The following ITGB3 variants were observed in gnomAD, a reference collection of about 807,000 sequenced individuals.
ITGB3 encodes the protein integrin beta-3.
In ITGB3, 48 loss-of-function variants were observed where a neutral mutation model predicts 85.8. That is an observed-to-expected ratio of 0.56 (90% CI 0.44 to 0.71). The LOEUF is 0.71. Ranked by LOEUF, ITGB3 falls within the 30% of genes least tolerant of loss-of-function variation. The pLI, the probability that ITGB3 is intolerant of heterozygous loss-of-function variation, is 0.00. For synonymous variants in ITGB3, 363 were observed against 395.6 expected (o/e 0.92, Z 0.98); for missense variants, 861 against 1,019.1 (o/e 0.84, Z 2.11).
intron 1 of ITGB3, among the ~76,000 whole-genome samples, chr17:47,255,364 G>A (rs557877099): frequency 6.6e-6 from 1 of 152,248 alleles, no homozygotes; most frequent in African/African-American, 2.4e-5. Flanking sequence ...TTCCCGTCAA[G>A]ACTCTTCTGT....
chr17:47,258,940 G>A (rs569645550), intron 1 of ITGB3, among the ~76,000 whole-genome samples: 14 of 152,330 alleles, frequency 9.2e-5, no homozygotes, highest in Admixed American at 8.5e-4. Context: ...GCATCTATCA[G>A]TAACTCTAAG....
chr17:47,287,277 G>C, intron 6 of ITGB3, 46 bp downstream of exon 6: 2 of 1,606,978 alleles, frequency 1.2e-6, no homozygotes, highest in South Asian at 1.1e-5. Context: ...TGATTGTGAG[G>C]GTTGCCCTAA....
chr17:47,284,373 T>G, intron 3 of ITGB3, 70 bp from the exon 4 acceptor site: 1 of 1,597,046 alleles, frequency 6.3e-7, no homozygotes, highest in Non-Finnish European at 8.6e-7. Flanking sequence ...TAGTCCCAAC[T>G]GTATCCAAAT....
intron 12 of ITGB3, among the ~76,000 whole-genome samples, chr17:47,301,464 C>T (rs1180036665): frequency 1.3e-5 from 2 of 152,032 alleles, no homozygotes; most frequent in East Asian, 1.9e-4. Flanking sequence ...GTGAGGTTAG[C>T]GATTTGGGGA....
chr17:47,310,109 C>A, intron 14 of ITGB3, 30 bp from the exon 15 acceptor site: 5 of 1,603,320 alleles, frequency 3.1e-6, no homozygotes, highest in Non-Finnish European at 4.3e-6. Flanking sequence ...AAGGAAGTCA[C>A]TGTAAGATGC....
intron 5 of ITGB3, 28 bp from the exon 6 acceptor site, chr17:47,287,042 G>C (rs1220055251): frequency 6.2e-7 from 1 of 1,611,900 alleles, no homozygotes; most frequent in Non-Finnish European, 8.5e-7. Context: ...TGTCTCCTCT[G>C]CCTTTGTTTT....
chr17:47,300,344 C>CGTGTGTGTGTGT lies in ITGB3; in HGVS notation c.1914-133_1914-132insTGTGTGTGTGTG, dbSNP rs879063347. Reference sequence around the variant, plus strand: ...CAGGATTGTCTTACAGGCGCGCGCGCGCGTGTGTGTGTGTGTGTGTGTGTT... The same window carrying CGTGTGTGTGTGT: ...CAGGATTGTCTTACAGGCGCGCGCGCGTGTGTGTGTGTGCGTGTGTGTGTGTGTGTGTGTGTT... On this transcript the variant is annotated intron_variant, in intron 11 of 14. Transcript: ENST00000559488. 9.2e-4 allele frequency: 637 copies of CGTGTGTGTGTGT among 689,780 alleles called. 1 individual carries two copies. Among genetic ancestry groups the CGTGTGTGTGTGT allele is most frequent in the South Asian group, 4.6e-3 (304 of 66,236 alleles). The allele number at this position is 689,780 out of a possible 1,614,324, so 42.7% of individuals were successfully genotyped here.
At chr17:47,277,019 G>A (rs1474249351) in intron 2 of ITGB3, among the ~76,000 whole-genome samples, 1 of 152,132 alleles carries the variant, frequency 6.6e-6, no homozygotes, top group African/African-American at 2.4e-5. Flanking sequence ...GCTCTTGGGT[G>A]TGTATAGTGA....
chr17:47,304,194 A>G (rs1019516738), intron 13 of ITGB3, among the ~76,000 whole-genome samples: 2 of 152,072 alleles, frequency 1.3e-5, no homozygotes, highest in Admixed American at 6.6e-5. Flanking sequence ...ACACAGGGCC[A>G]ACATTTCCTA....
intron 10 of ITGB3, among the ~76,000 whole-genome samples, chr17:47,298,504 G>A (rs903403234): frequency 2.6e-5 from 4 of 152,144 alleles, no homozygotes; most frequent in Non-Finnish European, 4.4e-5. Context: ...GGTGCTCTGT[G>A]TGCACTTTCC....
intron 12 of ITGB3, among the ~76,000 whole-genome samples, 181 bp downstream of exon 12, chr17:47,300,759 C>T (rs2065164548): frequency 2.6e-5 from 4 of 152,162 alleles, no homozygotes; most frequent in South Asian, 4.1e-4. Context: ...GAGTTGTCCT[C>T]CTCTCTTACT....
intron 1 of ITGB3, among the ~76,000 whole-genome samples, 174 bp from the exon 2 acceptor site, chr17:47,274,245 C>T (rs971921128): frequency 2.6e-5 from 4 of 152,180 alleles, no homozygotes; most frequent in African/African-American, 9.7e-5. Flanking sequence ...TCCTCCTCCT[C>T]CTTCTTCCTA....
rs776642181 is a variant in ITGB3, at chr17:47,310,214, G to A, written c.*10G>A. 1.2e-6 allele frequency: 2 copies of A among 1,611,248 alleles called. No individual in the cohort carries two copies. Among genetic ancestry groups the A allele is most frequent in the Non-Finnish European group, 1.7e-6 (2 of 1,177,488 alleles). ...GTACCGGGGCACTTAATGATAAGCA[G>A]TCATCCTCAGATCATTATCAGCCTG... On this transcript the variant is annotated 3_prime_UTR_variant, in exon 15 of 15. Coordinates refer to ENST00000559488, the MANE Select transcript of ITGB3 (RefSeq NM_000212.3).
intron 13 of ITGB3, 90 bp downstream of exon 13, chr17:47,302,930 AG>A: frequency 6.7e-7 from 1 of 1,489,146 alleles, no homozygotes; most frequent in East Asian, 2.3e-5. Context: ...GAAGCTGTTA[AG>A]CAAAACAGGT....
intron 1 of ITGB3, among the ~76,000 whole-genome samples, chr17:47,256,328 C>T (rs778885500): frequency 3.9e-5 from 6 of 151,998 alleles, no homozygotes; most frequent in Non-Finnish European, 7.4e-5. Flanking sequence ...AATCCTTAGG[C>T]GATCTGTTCA....
At chr17:47,301,292 G>A (rs187636211) in intron 12 of ITGB3, among the ~76,000 whole-genome samples, 18 of 152,336 alleles carry the variant, frequency 1.2e-4, no homozygotes, top group Admixed American at 3.3e-4. Context: ...GTACTAGAGA[G>A]ATGGCAATCT....
rs957868608 is a variant in ITGB3 at position 47,312,901 on chromosome 17, C to T, written c.*2697C>T. ...AGGATCTGTGGACAATAACGGAAAA[C>T]TTTGAATATTCCTGACAAGTTGCCA... On this transcript the variant is annotated 3_prime_UTR_variant, in exon 15 of 15. Coordinates refer to ENST00000559488, the MANE Select transcript of ITGB3 (RefSeq NM_000212.3). Among the ~76,000 whole-genome samples, 3 of 152,154 alleles carry T rather than the reference C, an allele frequency of 2.0e-5. No individual in the cohort carries two copies. Among genetic ancestry groups the T allele is most frequent in the Non-Finnish European group, 4.4e-5 (3 of 68,020 alleles).
chr17:47,277,338 T>A (rs552669894), intron 2 of ITGB3, among the ~76,000 whole-genome samples: 3 of 152,248 alleles, frequency 2.0e-5, no homozygotes, highest in African/African-American at 7.2e-5. Flanking sequence ...GAATGGATAT[T>A]TATGATAGCA....
chr17:47,277,124 G>A (rs2065066762), intron 2 of ITGB3, among the ~76,000 whole-genome samples: 1 of 152,144 alleles, frequency 6.6e-6, no homozygotes, highest in Non-Finnish European at 1.5e-5. Flanking sequence ...GTTGGATACC[G>A]ACGCGGGTTG....
Sources: gnomAD v4.1 joint callset for allele counts (sites outside exome capture counted in the v4.1 genomes callset) on GRCh38, gnomAD v4.1.1 for gene constraint, MANE v1.5 for transcripts, NCBI Gene and HGNC (gene_info 2026-07-23, HGNC 2026-07-21) for gene names.